FOXJ3: variants seen among roughly 807,000 people sequenced by gnomAD.
The protein encoded by FOXJ3 is forkhead box protein J3.
A neutral mutation model predicts 76.1 loss-of-function variants in FOXJ3; 22 were observed. The observed-to-expected ratio is 0.29, with a 90% CI of 0.21 to 0.41. FOXJ3 has a LOEUF of 0.41. Ranked by LOEUF, FOXJ3 falls within the 10% of genes least tolerant of loss-of-function variation. The probability of loss-of-function intolerance (pLI) is 1.00; values close to 1 mark genes in which losing one functional copy is unlikely to be tolerated. For synonymous variants in FOXJ3, 269 were observed against 261.2 expected (o/e 1.03, Z -0.29); for missense variants, 613 against 762.1 (o/e 0.80, Z 2.30).
chr1:42,248,594 A>AT (rs1402392534), intron 4 of FOXJ3, among the ~76,000 whole-genome samples: 5 of 151,810 alleles, frequency 3.3e-5, no homozygotes, highest in African/African-American at 9.7e-5. Context: ...AATAAAAAAC[A>AT]TTTTTTTGAT....
At chr1:42,232,919 T>C (rs1275476947) in intron 4 of FOXJ3, among the ~76,000 whole-genome samples, 1 of 152,022 alleles carries the variant, frequency 6.6e-6, no homozygotes, top group East Asian at 1.9e-4. Context: ...AGGGTTTTTA[T>C]GGTTTTAGGT....
At chr1:42,278,729 A>C in intron 2 of FOXJ3, 57 bp from the exon 3 acceptor site, 1 of 1,237,962 alleles carries the variant, frequency 8.1e-7, no homozygotes, top group Non-Finnish European at 1.1e-6. Context: ...GCTTCTCAAA[A>C]TATCCAATAT....
chr1:42,203,426 C>T lies in FOXJ3; in HGVS notation c.630+2336G>A, dbSNP rs920029649. Among the ~76,000 whole-genome samples the T allele has an allele frequency of 5.3e-5, 8 of 152,132 alleles. No individual in the cohort carries two copies. In the East Asian group the frequency reaches 5.8e-4, roughly 11 times the overall value. On this transcript the variant is annotated intron_variant, in intron 6 of 12. Transcript: ENST00000361346. Reference sequence around the variant, plus strand: ...CTCCAAAGAGAATTCCATTTTCTTTCGGCAGATAGAATATTAGCATACCAC... The same window carrying T: ...CTCCAAAGAGAATTCCATTTTCTTTTGGCAGATAGAATATTAGCATACCAC...
intron 1 of FOXJ3, among the ~76,000 whole-genome samples, chr1:42,333,706 C>T (rs1468095212): frequency 6.6e-6 from 1 of 152,040 alleles, no homozygotes; most frequent in Non-Finnish European, 1.5e-5. Flanking sequence ...AAACCCTAAT[C>T]TGGAAGAGAC....
chr1:42,195,315 G>C (rs550169019), intron 7 of FOXJ3, among the ~76,000 whole-genome samples: 1 of 152,212 alleles, frequency 6.6e-6, no homozygotes, highest in Non-Finnish European at 1.5e-5. Context: ...AAAGAAGTTA[G>C]ATAACTTGCC....
At chr1:42,275,993 TC>T (rs1408721166) in intron 3 of FOXJ3, among the ~76,000 whole-genome samples, 3 of 152,200 alleles carry the variant, frequency 2.0e-5, no homozygotes, top group Non-Finnish European at 2.9e-5. Flanking sequence ...GAACAACTCA[TC>T]TTTTCAGAAG....
chr1:42,230,018 G>C (rs553310686), intron 4 of FOXJ3, among the ~76,000 whole-genome samples: 15 of 152,230 alleles, frequency 9.9e-5, no homozygotes, highest in Non-Finnish European at 1.9e-4. Context: ...AAAACAAATA[G>C]ATAACTCTTC....
Position 42,301,071 on chromosome 1 carries a change from AG to A in FOXJ3, c.44+9978del, listed in dbSNP as rs1391770134. 8.5e-5 allele frequency among the ~76,000 whole-genome samples: 13 copies of A among 152,314 alleles called. No homozygotes were observed. In the East Asian group the frequency reaches 2.5e-3, roughly 29 times the overall value. ...GGATGTCTAAATCTCTTCCCAGACT[AG>A]GGAAGTTTTCCCTAATTACTTCCTG... is the stretch of plus-strand genomic sequence containing the variant. On this transcript the variant is annotated intron_variant, in intron 2 of 12. Transcript: ENST00000361346.
chr1:42,261,292 AG>A (rs1357253822), intron 4 of FOXJ3, among the ~76,000 whole-genome samples: 3 of 152,186 alleles, frequency 2.0e-5, no homozygotes, highest in Admixed American at 2.0e-4. Context: ...GATAGACTGC[AG>A]AATGTATAGA....
chr1:42,223,725 TTA>T (rs1217389049), intron 5 of FOXJ3, among the ~76,000 whole-genome samples: 1 of 152,218 alleles, frequency 6.6e-6, no homozygotes, highest in East Asian at 1.9e-4. Context: ...TGTTACTTAA[TTA>T]TATATGTTTG....
At chr1:42,219,223 C>T (rs1348098396) in intron 5 of FOXJ3, among the ~76,000 whole-genome samples, 1 of 152,080 alleles carries the variant, frequency 6.6e-6, no homozygotes, top group Non-Finnish European at 1.5e-5. Context: ...TTGTGTCACC[C>T]CACTCTGTCC....
chr1:42,240,270 T>G (rs1649029099), intron 4 of FOXJ3, among the ~76,000 whole-genome samples: 1 of 152,180 alleles, frequency 6.6e-6, no homozygotes, highest in African/African-American at 2.4e-5. Context: ...GATTTAATGT[T>G]AAGATGGCGA....
At chr1:42,186,808 A>G (rs553957760) in intron 11 of FOXJ3, among the ~76,000 whole-genome samples, 1 of 152,270 alleles carries the variant, frequency 6.6e-6, no homozygotes, top group Admixed American at 6.5e-5. Context: ...CCAACATGAG[A>G]GCTGCTGCCT....
intron 4 of FOXJ3, among the ~76,000 whole-genome samples, chr1:42,237,847 A>G (rs1038365568): frequency 7.9e-5 from 12 of 151,954 alleles, no homozygotes; most frequent in African/African-American, 2.7e-4. Flanking sequence ...TCACTCAGAT[A>G]TACAGCATCA....
intron 2 of FOXJ3, among the ~76,000 whole-genome samples, chr1:42,298,368 G>A (rs2124724954): frequency 6.6e-6 from 1 of 152,170 alleles, no homozygotes; most frequent in Admixed American, 6.5e-5. Context: ...GTCTGTTCAG[G>A]ATTCACATTT....
chr1:42,191,457 G>C lies in FOXJ3; in HGVS notation c.1197C>G (p.His399Gln), dbSNP rs1396117558. ...GLPQHPQRSPHPAPHPQQHSQ... is the reference protein window; with the variant it reads ...GLPQHPQRSPQPAPHPQQHSQ... The stretch of plus-strand genomic sequence containing the variant: ...TGTGTTGCTGTGGGTGTGGTGCTGG[G>C]TGTGGGGAACGCTGCGGATGCTGCG... Residue 399 changes from histidine to glutamine, a missense_variant, in exon 9 of 13, where the codon CAC (histidine) becomes CAG (glutamine). His to Gln is a conservative substitution (Grantham distance 24, BLOSUM62 0). Around this residue, in one of 3 missense-constraint regions of FOXJ3, gnomAD observed 526 missense variants for 601.4 expected, o/e 0.87. Transcript: ENST00000361346. 1.9e-6 allele frequency: 3 copies of C among 1,613,640 alleles called. No individual in the cohort carries two copies. Among genetic ancestry groups the C allele is most frequent in the African/African-American group, 2.7e-5 (2 of 74,898 alleles).
chr1:42,225,762 C>T (rs1488492711), intron 5 of FOXJ3, among the ~76,000 whole-genome samples: 6 of 152,074 alleles, frequency 3.9e-5, no homozygotes, highest in Non-Finnish European at 5.9e-5. Flanking sequence ...AAATATATGT[C>T]CAAAATGTAC....
chr1:42,224,748 G>A (rs1647411114), intron 5 of FOXJ3, among the ~76,000 whole-genome samples: 1 of 152,118 alleles, frequency 6.6e-6, no homozygotes, highest in Admixed American at 6.6e-5. Flanking sequence ...ACATAAAGAT[G>A]CTCTTGCTTG....
chr1:42,223,146 A>G (rs1423476179), intron 5 of FOXJ3, among the ~76,000 whole-genome samples: 1 of 152,240 alleles, frequency 6.6e-6, no homozygotes, highest in African/African-American at 2.4e-5. Context: ...TCAAACTGAT[A>G]AAATGACACT....
Sources: allele counts gnomAD v4.1 joint callset (sites outside exome capture counted in the v4.1 genomes callset), GRCh38; gene constraint gnomAD v4.1.1; regional missense constraint gnomAD v4.1.1; transcripts MANE v1.5; gene names NCBI Gene and HGNC (gene_info 2026-07-23, HGNC 2026-07-21).